Variants in SYN2 observed in about 807,000 individuals in gnomAD.
The protein encoded by SYN2 is synapsin-2.
In SYN2, 19 loss-of-function variants were observed where a neutral mutation model predicts 50.9. The ratio of observed to expected loss-of-function variants is 0.37; its 90% CI spans 0.26 to 0.55. The LOEUF (loss-of-function observed/expected upper bound fraction) is 0.55. Among genes scored for constraint, SYN2 ranks in the 20% least tolerant of loss-of-function variants. The probability of loss-of-function intolerance (pLI) is 0.81; values close to 1 mark genes in which losing one functional copy is unlikely to be tolerated. For synonymous variants in SYN2, 255 were observed against 224.9 expected, an observed-to-expected ratio of 1.13 and a Z score of -1.20; for missense variants, 587 against 576.4, an observed-to-expected ratio of 1.02 and a Z score of -0.19.
At chr3:12,134,684 C>T (rs900190751) in intron 1 of SYN2, among the ~76,000 whole-genome samples, 1 of 152,222 alleles carries the variant, frequency 6.6e-6, no homozygotes, top group Non-Finnish European at 1.5e-5. Flanking sequence ...TGTCTCTCCA[C>T]TGACTTATGA....
chr3:12,183,230 C>G, intron 10 of SYN2, 82 bp from the exon 11 acceptor site: 1 of 1,518,804 alleles, frequency 6.6e-7, no homozygotes, highest in East Asian at 2.4e-5. Flanking sequence ...CCACTGCGGC[C>G]TTGCCATGGA....
At chr3:12,158,612 C>CT in intron 5 of SYN2, 1 of 1,548,906 alleles carries the variant, frequency 6.5e-7, no homozygotes, top group South Asian at 1.2e-5. Context: ...GAGCTCCTCC[C>CT]TTTTCCTCTG....
At chr3:12,064,666 G>A (rs551970838) in intron 1 of SYN2, among the ~76,000 whole-genome samples, 28 of 152,012 alleles carry the variant, frequency 1.8e-4, no homozygotes, top group Non-Finnish European at 4.0e-4. Context: ...GTGTCACAAA[G>A]CCACAATGAG....
intron 1 of SYN2, among the ~76,000 whole-genome samples, chr3:12,136,339 G>C (rs1367172083): frequency 6.6e-6 from 1 of 152,156 alleles, no homozygotes; most frequent in Non-Finnish European, 1.5e-5. Flanking sequence ...AAAACACTTA[G>C]AATAGTGCCT....
intron 1 of SYN2, among the ~76,000 whole-genome samples, chr3:12,129,451 C>T (rs1049669761): frequency 1.3e-5 from 2 of 152,114 alleles, no homozygotes; most frequent in Non-Finnish European, 2.9e-5. Flanking sequence ...GATTTAAACC[C>T]AGATTAGTCT....
At chr3:12,008,392 C>T (rs1693842331) in intron 1 of SYN2, among the ~76,000 whole-genome samples, 2 of 152,070 alleles carry the variant, frequency 1.3e-5, no homozygotes, top group African/African-American at 4.8e-5. Flanking sequence ...GCTTGCTGTC[C>T]AGATAGGTAG....
chr3:12,055,115 G>C (rs115025291), intron 1 of SYN2, among the ~76,000 whole-genome samples: 4,693 of 151,202 alleles, frequency 0.031, 93 homozygotes, highest in Middle Eastern at 0.044. Flanking sequence ...AATATTCATG[G>C]AACATTCATA....
intron 1 of SYN2, among the ~76,000 whole-genome samples, chr3:12,086,128 A>G (rs1216265138): frequency 6.6e-6 from 1 of 152,190 alleles, no homozygotes; most frequent in Non-Finnish European, 1.5e-5. Context: ...CATAAGCAGA[A>G]GAAATAAATT....
chr3:12,025,370 G>A (rs1393662809), intron 1 of SYN2, among the ~76,000 whole-genome samples: 1 of 152,206 alleles, frequency 6.6e-6, no homozygotes, highest in African/African-American at 2.4e-5. Flanking sequence ...GACTAGAGAA[G>A]GCTGTACCTA....
intron 1 of SYN2, among the ~76,000 whole-genome samples, chr3:12,009,739 C>G (rs985976982): frequency 1.3e-5 from 2 of 152,202 alleles, no homozygotes; most frequent in Non-Finnish European, 2.9e-5. Context: ...TTAGTGACAC[C>G]AGCAATTACA....
intron 4 of SYN2, 44 bp downstream of exon 4, chr3:12,145,879 GC>G: frequency 6.2e-7 from 1 of 1,608,088 alleles, no homozygotes; most frequent in Non-Finnish European, 8.5e-7. Context: ...TAGGATTCAG[GC>G]CCTACATCTC....
At chr3:12,183,246 G>A (rs769048267) in intron 10 of SYN2, 66 bp from the exon 11 acceptor site, 52 of 1,553,198 alleles carry the variant, frequency 3.3e-5, no homozygotes, top group Admixed American at 6.3e-5. Context: ...ATGGAGCCAC[G>A]TGGTTTCTCT....
intron 1 of SYN2, among the ~76,000 whole-genome samples, chr3:12,112,495 G>A (rs760752902): frequency 2.9e-4 from 44 of 152,036 alleles, no homozygotes; most frequent in Admixed American, 1.9e-3. Context: ...CAAAAATTTT[G>A]CAGTGGAGTT....
chr3:12,108,808 TA>T (rs5846746), intron 1 of SYN2, among the ~76,000 whole-genome samples: 91,343 of 143,284 alleles, frequency 0.64, 31,286 homozygotes, highest in South Asian at 0.78. Context: ...TGGTTGGGTT[TA>T]AAAAAAAAAA....
intron 10 of SYN2, among the ~76,000 whole-genome samples, chr3:12,172,378 A>G (rs1439670889): frequency 6.6e-6 from 1 of 152,054 alleles, no homozygotes; most frequent in Non-Finnish European, 1.5e-5. Context: ...TCCTAAAACC[A>G]CTCTCAAGTT....
intron 1 of SYN2, among the ~76,000 whole-genome samples, chr3:12,059,259 A>T (rs1193410511): frequency 6.6e-6 from 1 of 152,116 alleles, no homozygotes; most frequent in African/African-American, 2.4e-5. Context: ...AGTACAAGGA[A>T]AATCATAAAT....
At chr3:12,149,849 T>C (rs1697236238) in intron 4 of SYN2, among the ~76,000 whole-genome samples, 1 of 152,162 alleles carries the variant, frequency 6.6e-6, no homozygotes. Context: ...AAACTACAGT[T>C]TGATAGCAGA....
intron 1 of SYN2, among the ~76,000 whole-genome samples, chr3:12,114,183 A>G (rs1696382811): frequency 6.6e-6 from 1 of 151,180 alleles, no homozygotes; most frequent in African/African-American, 2.4e-5. Flanking sequence ...TTTGATTTGC[A>G]TTCCCTTAAT....
chr3:12,115,350 C>T (rs565168842), intron 1 of SYN2, among the ~76,000 whole-genome samples: 1 of 152,268 alleles, frequency 6.6e-6, no homozygotes, highest in Non-Finnish European at 1.5e-5. Flanking sequence ...CAACTACCTA[C>T]TTTAGAATCT....
Sources: allele counts gnomAD v4.1 joint callset (sites outside exome capture counted in the v4.1 genomes callset), GRCh38; gene constraint gnomAD v4.1.1; transcripts MANE v1.5; gene names NCBI Gene and HGNC (gene_info 2026-07-23, HGNC 2026-07-21).